The following STRN variants were observed in gnomAD, a reference collection of about 807,000 sequenced individuals.
STRN encodes striatin, also known as protein phosphatase 2 regulatory subunit B'''alpha.
Under a neutral mutation model 96.3 loss-of-function variants are expected in STRN, and 53 were observed. The observed-to-expected ratio is 0.55, with a 90% CI of 0.44 to 0.69. STRN has a LOEUF of 0.69. Among genes scored for constraint, STRN ranks in the 30% least tolerant of loss-of-function variants. STRN has a pLI of 0.00. For missense variants in STRN, 987 were observed against 963.9 expected (o/e 1.02, Z -0.32); for synonymous variants, 428 against 355.9 (o/e 1.20, Z -2.28).
intron 12 of STRN, among the ~76,000 whole-genome samples, chr2:36,861,836 C>T (rs1286550548): frequency 2.6e-5 from 4 of 152,008 alleles, no homozygotes; most frequent in African/African-American, 9.7e-5. Flanking sequence ...AAATTGCATG[C>T]CTTGGCGGTT....
Position 36,938,614 on chromosome 2 carries a change from G to C in STRN, c.235-13406C>G, listed in dbSNP as rs573954669. ...GCATGTATTTTCATAAATAAAAGTGGTCTGCAGCGTTTTTACAGTGTTGTC... is the reference window on the plus strand; with the variant it reads ...GCATGTATTTTCATAAATAAAAGTGCTCTGCAGCGTTTTTACAGTGTTGTC... On this transcript the variant is annotated intron_variant, in intron 1 of 17. Transcript: ENST00000263918. Among the ~76,000 whole-genome samples the C allele has an allele frequency of 8.5e-4, 129 of 152,128 alleles. 1 individual carries two copies. The highest frequency in any genetic ancestry group is 1.5e-3 in the Non-Finnish European group (105 of 68,000).
chr2:36,932,294 A>G (rs992935879), intron 1 of STRN, among the ~76,000 whole-genome samples: 1 of 151,896 alleles, frequency 6.6e-6, no homozygotes, highest in Non-Finnish European at 1.5e-5. Context: ...AGCTGGGATT[A>G]CAGGCACCCG....
chr2:36,953,488 C>T (rs992580516), intron 1 of STRN, among the ~76,000 whole-genome samples: 35 of 151,362 alleles, frequency 2.3e-4, no homozygotes, highest in African/African-American at 8.0e-4. Flanking sequence ...CTGCAAGCTC[C>T]GCCTCCCAGG....
At chr2:36,853,905 A>C (rs554676944) in intron 15 of STRN, among the ~76,000 whole-genome samples, 1 of 152,370 alleles carries the variant, frequency 6.6e-6, no homozygotes, top group South Asian at 2.1e-4. Context: ...TTACAACTCA[A>C]AATAATGATC....
intron 3 of STRN, among the ~76,000 whole-genome samples, chr2:36,908,054 T>TA (rs1368170971): frequency 3.9e-5 from 6 of 152,132 alleles, no homozygotes; most frequent in African/African-American, 1.4e-4. Context: ...GGAAAACAAA[T>TA]ACATCTTGTT....
intron 2 of STRN, among the ~76,000 whole-genome samples, chr2:36,916,579 G>C (rs571517215): frequency 2.0e-5 from 3 of 151,354 alleles, no homozygotes; most frequent in Admixed American, 6.6e-5. Flanking sequence ...AAAAAGAAAA[G>C]TCATCTACAA....
At chr2:36,928,931 G>A (rs1366771492) in intron 1 of STRN, among the ~76,000 whole-genome samples, 7 of 144,220 alleles carry the variant, frequency 4.9e-5, no homozygotes, top group Admixed American at 4.2e-4. Context: ...CTGGGCAACA[G>A]AGTGAGACTC....
chr2:36,921,541 A>G (rs549268253), intron 2 of STRN, among the ~76,000 whole-genome samples: 3 of 152,230 alleles, frequency 2.0e-5, no homozygotes, highest in Non-Finnish European at 4.4e-5. Flanking sequence ...CTTCTTTTTA[A>G]TTCATTTGAT....
intron 1 of STRN, among the ~76,000 whole-genome samples, chr2:36,955,212 C>CTAGG (rs1234163474): frequency 6.6e-6 from 1 of 152,134 alleles, no homozygotes; most frequent in Non-Finnish European, 1.5e-5. Context: ...GGCCTGGGTA[C>CTAGG]TAGGACTCAT....
In STRN at chr2:36,944,522, T is replaced by C. The variant is rs188651844; in HGVS notation, c.235-19314A>G. ...TGTCTGTTATTTTAAGTAATGTTCC[T>C]AGTAGAAACACAAATCCCAATGACT... On this transcript the variant is annotated intron_variant, in intron 1 of 17. Coordinates refer to ENST00000263918, the MANE Select transcript of STRN (RefSeq NM_003162.4). Among the ~76,000 whole-genome samples, 303 of 152,336 alleles carry C rather than the reference T, an allele frequency of 2.0e-3. 2 individuals are homozygous for C. The highest frequency in any genetic ancestry group is 7.0e-3 in the African/African-American group (291 of 41,584).
chr2:36,872,924 G>C (rs1282836157), intron 10 of STRN, among the ~76,000 whole-genome samples: 1 of 152,220 alleles, frequency 6.6e-6, no homozygotes, highest in Admixed American at 6.5e-5. Flanking sequence ...AGGCCTAAAA[G>C]GTGAGCCCAA....
In STRN at chr2:36,842,087, G is replaced by C. The variant is rs1300917296; in HGVS notation, c.*7369C>G. On this transcript the variant is annotated 3_prime_UTR_variant, in exon 18 of 18. Transcript: ENST00000263918. ...TATTGTCTTGGTCCCATTTCCAAAG[G>C]GAAGTAGTTGGATGCCAGCATACTT... is the stretch of plus-strand genomic sequence containing the variant. 1 of 152,162 alleles carries C rather than the reference G, an allele frequency of 6.6e-6. No homozygotes were observed. The highest frequency in any genetic ancestry group is 1.5e-5 in the Non-Finnish European group (1 of 68,040). The allele number at this position is 152,162 out of a possible 1,614,324, so 9.4% of individuals were successfully genotyped here. A position where few individuals can be genotyped will look rare whatever the true frequency, so the allele number is the denominator to read the frequency against.
Position 36,883,986 on chromosome 2 carries a change from A to C in STRN, c.1132T>G (p.Ser378Ala), listed in dbSNP as rs1669145592. The change falls in exon 9 of 18, where the codon TCC (serine) becomes GCC (alanine). Residue 378 changes from serine to alanine, a missense_variant. Physicochemically the swap from Ser to Ala is moderately conservative, Grantham distance 99. Coordinates refer to ENST00000263918, the MANE Select transcript of STRN (RefSeq NM_003162.4). The stretch of plus-strand genomic sequence containing the variant: ...GGAAGCCTGGAGCTGCTGGGTCTGG[A>C]AGGTGAACCCACAGATGGCTGCAAT... ...PSLQPSVGSP[S>A]RPSSSRLPEH... 6.9e-7 allele frequency: 1 copy of C among 1,444,990 alleles called. No individual in the cohort carries two copies. Among genetic ancestry groups the C allele is most frequent in the Non-Finnish European group, 9.1e-7 (1 of 1,094,310 alleles). The allele number at this position is 1,444,990 out of a possible 1,614,324, so 89.5% of individuals were successfully genotyped here.
At chr2:36,948,225 C>G (rs1664650943) in intron 1 of STRN, among the ~76,000 whole-genome samples, 1 of 151,282 alleles carries the variant, frequency 6.6e-6, no homozygotes, top group African/African-American at 2.4e-5. Context: ...CCTCAGCCAC[C>G]TGAGTAGCTG....
At chr2:36,881,552 A>T (rs1164064915) in intron 9 of STRN, among the ~76,000 whole-genome samples, 1 of 152,232 alleles carries the variant, frequency 6.6e-6, no homozygotes, top group East Asian at 1.9e-4. Context: ...AGACAATTAA[A>T]TATACAATCT....
chr2:36,933,277 G>C (rs1670620464), intron 1 of STRN, among the ~76,000 whole-genome samples: 1 of 152,144 alleles, frequency 6.6e-6, no homozygotes, highest in African/African-American at 2.4e-5. Context: ...GGTGTGCATA[G>C]TTTATATGCA....
At chr2:36,906,375 C>A (rs2148205407) in intron 3 of STRN, among the ~76,000 whole-genome samples, 1 of 152,146 alleles carries the variant, frequency 6.6e-6, no homozygotes, top group East Asian at 1.9e-4. Flanking sequence ...GGGAGAATCA[C>A]CTTAGCCTGG....
chr2:36,861,317 T>C (rs1253783031), intron 12 of STRN, 64 bp from the exon 13 acceptor site: 2 of 1,568,124 alleles, frequency 1.3e-6, no homozygotes, highest in East Asian at 2.3e-5. Flanking sequence ...ATATGACTTG[T>C]TAAAAATAAG....
At chr2:36,946,106 G>A (rs1484965731) in intron 1 of STRN, among the ~76,000 whole-genome samples, 1 of 151,660 alleles carries the variant, frequency 6.6e-6, no homozygotes, top group Non-Finnish European at 1.5e-5. Flanking sequence ...ACTAGAAAAA[G>A]AGAGGTATAA....
Sources: allele counts gnomAD v4.1 joint callset (sites outside exome capture counted in the v4.1 genomes callset), GRCh38; gene constraint gnomAD v4.1.1; transcripts MANE v1.5; gene names NCBI Gene and HGNC (gene_info 2026-07-23, HGNC 2026-07-21).